Variants in BTG4 observed in about 807,000 individuals in gnomAD.
BTG4 encodes BTG anti-proliferation factor 4.
BTG4 carries 10 observed loss-of-function variants against 19.3 expected under a neutral mutation model. The observed-to-expected ratio is 0.52, with a 90% CI of 0.32 to 0.88. The LOEUF is 0.88. BTG4 is among the 40% of genes least tolerant of loss of function. The pLI, the probability that BTG4 is intolerant of heterozygous loss-of-function variation, is 0.04. For missense variants in BTG4, 238 were observed against 281.9 expected (o/e 0.84, Z 1.11); for synonymous variants, 91 against 95.7 (o/e 0.95, Z 0.29).
the BTG4 span, among the ~76,000 whole-genome samples, chr11:111,445,182 T>A: frequency 1.3e-5 from 2 of 152,190 alleles, no homozygotes; most frequent in East Asian, 3.8e-4. Flanking sequence ...ACCAGTTATG[T>A]GACCTTGTGA....
At chr11:111,433,097 T>G in the BTG4 span, among the ~76,000 whole-genome samples, 1 of 152,218 alleles carries the variant, frequency 6.6e-6, no homozygotes, top group Non-Finnish European at 1.5e-5. Context: ...AAGAAGGAGA[T>G]AGTGGCCAGA....
chr11:111,454,455 G>C, the BTG4 span: 7 of 377,176 alleles, frequency 1.9e-5, no homozygotes, highest in African/African-American at 4.2e-5. Flanking sequence ...ATAGGACATA[G>C]AGTCCAAAGA....
chr11:111,428,083 G>T, the BTG4 span, among the ~76,000 whole-genome samples: 3 of 152,156 alleles, frequency 2.0e-5, no homozygotes, highest in South Asian at 2.1e-4. Context: ...TATTTTCCTC[G>T]CCAAGAGCTA....
chr11:111,468,320 A>G (rs1179800521), intron 5 of BTG4, among the ~76,000 whole-genome samples: 1 of 152,264 alleles, frequency 6.6e-6, no homozygotes, highest in East Asian at 1.9e-4. Flanking sequence ...GCCGTGTGCC[A>G]GGAACTCAGC....
intron 4 of BTG4, chr11:111,496,906 A>T (rs929572242): frequency 1.8e-5 from 6 of 339,796 alleles, no homozygotes; most frequent in Non-Finnish European, 3.2e-5. Flanking sequence ...AAAAAATCCC[A>T]CTAATCTTAA....
the BTG4 span, among the ~76,000 whole-genome samples, chr11:111,390,737 G>A: frequency 3.3e-5 from 5 of 152,322 alleles, no homozygotes; most frequent in South Asian, 1.0e-3. Flanking sequence ...AGGACTCTGA[G>A]CATCTTGACT....
At chr11:111,451,431 T>C in the BTG4 span, 3 of 452,480 alleles carry the variant, frequency 6.6e-6, no homozygotes, top group African/African-American at 4.0e-5. Flanking sequence ...ATAATTTGCC[T>C]CATTTAAGAC....
At chr11:111,452,806 T>A in the BTG4 span, among the ~76,000 whole-genome samples, 1 of 152,212 alleles carries the variant, frequency 6.6e-6, no homozygotes, top group Non-Finnish European at 1.5e-5. Context: ...GAGTTGACTG[T>A]TCTCCCTGGA....
chr11:111,475,213 T>C (rs1254656994), intron 5 of BTG4: 1 of 152,534 alleles, frequency 6.6e-6, no homozygotes, highest in African/African-American at 2.4e-5. Context: ...ATAATATTCA[T>C]GGTAAAACAC....
downstream of BTG4, chr11:111,466,735 T>C (rs778080484): frequency 6.6e-6 from 1 of 152,660 alleles, no homozygotes; most frequent in Non-Finnish European, 1.5e-5. Flanking sequence ...CTGATCTCTG[T>C]AGACCCAAAG....
At chr11:111,422,635 C>T in the BTG4 span, among the ~76,000 whole-genome samples, 14 of 152,210 alleles carry the variant, frequency 9.2e-5, no homozygotes, top group East Asian at 1.9e-4. Context: ...TGAATCACCA[C>T]GTGGAAACAC....
At chr11:111,484,565 C>T (rs1864938289) in intron 5 of BTG4, among the ~76,000 whole-genome samples, 1 of 151,956 alleles carries the variant, frequency 6.6e-6, no homozygotes. Flanking sequence ...ACAGTTGTCA[C>T]CATTGTCACC....
At chr11:111,472,248 C>G (rs1864112006) in intron 5 of BTG4, among the ~76,000 whole-genome samples, 1 of 152,220 alleles carries the variant, frequency 6.6e-6, no homozygotes, top group African/African-American at 2.4e-5. Context: ...TACCCTTCCC[C>G]TCATTCACTC....
chr11:111,502,829 C>T (rs1666270139), intron 1 of BTG4, among the ~76,000 whole-genome samples: 1 of 152,158 alleles, frequency 6.6e-6, no homozygotes, highest in Admixed American at 6.5e-5. Context: ...CCCAGGCAGG[C>T]CTTGAAAGTT....
the BTG4 span, among the ~76,000 whole-genome samples, chr11:111,427,682 G>C: frequency 1.3e-5 from 2 of 151,998 alleles, no homozygotes; most frequent in Non-Finnish European, 2.9e-5. Flanking sequence ...AGGTCTCAGG[G>C]GAGTCTTTAG....
the BTG4 span, among the ~76,000 whole-genome samples, chr11:111,436,736 C>T: frequency 2.0e-5 from 3 of 152,204 alleles, no homozygotes; most frequent in African/African-American, 4.8e-5. Context: ...CAGGGGCAGG[C>T]GGCTAGCCCA....
At chr11:111,419,277 A>G in the BTG4 span, among the ~76,000 whole-genome samples, 1 of 152,242 alleles carries the variant, frequency 6.6e-6, no homozygotes, top group Admixed American at 6.5e-5. Flanking sequence ...TGAGTCCCTG[A>G]TAAAAGCTAC....
At chr11:111,432,414 T>G in the BTG4 span, among the ~76,000 whole-genome samples, 73 of 152,200 alleles carry the variant, frequency 4.8e-4, 4 homozygotes, top group South Asian at 0.015. Flanking sequence ...GAAGTCGAGG[T>G]GGGTAGATCA....
At chr11:111,457,209 C>T in the BTG4 span, 1 of 152,996 alleles carries the variant, frequency 6.5e-6, no homozygotes, top group African/African-American at 2.4e-5. Context: ...CAGACCCCGT[C>T]ACAGGCATCA....
Sources: allele counts gnomAD v4.1 joint callset (sites outside exome capture counted in the v4.1 genomes callset), GRCh38; gene constraint gnomAD v4.1.1; transcripts MANE v1.5; gene names NCBI Gene and HGNC (gene_info 2026-07-23, HGNC 2026-07-21).